AR: variants seen among roughly 807,000 people sequenced by gnomAD.
The protein encoded by AR is dihydrotestosterone receptor.
A neutral mutation model predicts 53.9 loss-of-function variants in AR; 8 were observed. That is an observed-to-expected ratio of 0.15 (90% CI 0.09 to 0.27). The LOEUF (loss-of-function observed/expected upper bound fraction) is 0.27, where lower values mean the gene tolerates loss of function less well. Among genes scored for constraint, AR ranks in the 10% least tolerant of loss-of-function variants. The probability of loss-of-function intolerance (pLI) is 1.00; values close to 1 mark genes in which losing one functional copy is unlikely to be tolerated. For missense variants in AR, 639 were observed against 742.5 expected, an observed-to-expected ratio of 0.86 and a Z score of 1.62; for synonymous variants, 359 against 316.4, an observed-to-expected ratio of 1.13 and a Z score of -1.43.
intron 4 of AR, among the ~76,000 whole-genome samples, chrX:67,715,988 GTGTATTAT>G (rs772432156): frequency 8.9e-6 from 1 of 111,942 alleles, no homozygotes; most frequent in East Asian, 2.8e-4. Context: ...TGTTCTACCT[GTGTATTAT>G]TGTAGACGTA....
In AR at chrX:67,717,511, C is replaced by A. The variant is rs758962274; in HGVS notation, c.2207C>A (p.Ala736Asp). The A allele has an allele frequency of 1.7e-6, 2 of 1,210,531 alleles. No individual in the cohort carries two copies. Among genetic ancestry groups the A allele is most frequent in the East Asian group, 5.9e-5 (2 of 33,757 alleles). The change falls in exon 5 of 8, where the codon GCT becomes GAT. Residue 736 changes from alanine (A) to aspartate (D), a missense_variant. Coordinates refer to ENST00000374690, the MANE Select transcript of AR (RefSeq NM_000044.6). ...AACTTACACGTGGACGACCAGATGGCTGTCATTCAGTACTCCTGGATGGGG... is the reference window on the plus strand; with the variant it reads ...AACTTACACGTGGACGACCAGATGGATGTCATTCAGTACTCCTGGATGGGG... ...FRNLHVDDQM[A>D]VIQYSWMGLM...
intron 1 of AR, among the ~76,000 whole-genome samples, chrX:67,612,350 G>A (rs1240011288): frequency 8.9e-6 from 1 of 111,911 alleles, no homozygotes; most frequent in African/African-American, 3.2e-5. Context: ...CCCATTCTAA[G>A]GCCCTCTCAT....
intron 2 of AR, 55 bp downstream of exon 2, chrX:67,643,462 A>G (rs750533646): frequency 1.1e-5 from 13 of 1,154,429 alleles, no homozygotes; most frequent in Non-Finnish European, 1.5e-5. Context: ...CCTTCCAGAG[A>G]GAGACACTAA....
chrX:67,726,160 G>A lies in AR; in HGVS notation c.*2319G>A, dbSNP rs1391910096. 1 of 174,030 alleles carries A rather than the reference G, an allele frequency of 5.7e-6. No individual in the cohort carries two copies. Among genetic ancestry groups the A allele is most frequent in the African/African-American group, 3.0e-5 (1 of 33,859 alleles). The allele number at this position is 174,030 out of a possible 1,213,427, so 14.3% of individuals were successfully genotyped here. A position where few individuals can be genotyped will look rare whatever the true frequency, so the allele number is the denominator to read the frequency against. On this transcript the variant is annotated 3_prime_UTR_variant, in exon 8 of 8. Transcript: ENST00000374690. ...AACAGCTTTAAATAACAAGGGAGAG[G>A]GGAACCTAAGATGAGTAATATGCCA...
chrX:67,672,378 A>G (rs778725159), intron 2 of AR, among the ~76,000 whole-genome samples: 2 of 110,698 alleles, frequency 1.8e-5, no homozygotes, highest in South Asian at 3.9e-4. Flanking sequence ...TACTCCTGCC[A>G]TTTGGTTGTT....
chrX:67,643,225 T>A, intron 1 of AR, 31 bp from the exon 2 acceptor site: 1 of 1,209,701 alleles, frequency 8.3e-7, no homozygotes, highest in Non-Finnish European at 1.1e-6. Flanking sequence ...TTCAGTGACA[T>A]GTGTTGCATT....
In AR at chrX:67,625,899, A is replaced by T. The variant is rs183330727; in HGVS notation, c.1617-17357A>T. ...AAGCACAAGCAATAAGAGAAAAAAA[A>T]TTTTTTTAAAAAAACCCTTGATTAT... On this transcript the variant is annotated intron_variant, in intron 1 of 7. Coordinates refer to ENST00000374690, the MANE Select transcript of AR (RefSeq NM_000044.6). Among the ~76,000 whole-genome samples the T allele has an allele frequency of 6.1e-3, 678 of 110,761 alleles. 3 individuals are homozygous for T. The highest frequency in any genetic ancestry group is 0.017 in the African/African-American group (526 of 30,542).
chrX:67,600,401 G>A (rs1253919848), intron 1 of AR, among the ~76,000 whole-genome samples: 1 of 110,915 alleles, frequency 9.0e-6, no homozygotes, highest in Non-Finnish European at 1.9e-5. Context: ...AAAATGGATG[G>A]AACTGGAAAT....
intron 1 of AR, among the ~76,000 whole-genome samples, chrX:67,583,705 TA>T (rs772391092): frequency 2.9e-4 from 32 of 109,710 alleles, no homozygotes; most frequent in Non-Finnish European, 5.5e-4. Context: ...TCAACAACCA[TA>T]AAAAAAAACA....
chrX:67,629,767 G>A (rs1263029288), intron 1 of AR, among the ~76,000 whole-genome samples: 20 of 109,654 alleles, frequency 1.8e-4, no homozygotes, highest in Non-Finnish European at 2.9e-4. Flanking sequence ...TTTCTCTTGC[G>A]GGCATTTAGT....
intron 1 of AR, among the ~76,000 whole-genome samples, chrX:67,574,849 G>A (rs1396466281): frequency 2.7e-5 from 3 of 111,397 alleles, no homozygotes; most frequent in Non-Finnish European, 5.7e-5. Context: ...TAAACTCAAA[G>A]CGGCATTTTT....
At chrX:67,617,152 G>C (rs1768865713) in intron 1 of AR, among the ~76,000 whole-genome samples, 1 of 111,476 alleles carries the variant, frequency 9.0e-6, no homozygotes, top group Non-Finnish European at 1.9e-5. Flanking sequence ...CTTTTTGTTT[G>C]CTCTGTCTGG....
chrX:67,631,958 AG>A (rs921236328), intron 1 of AR, among the ~76,000 whole-genome samples: 2 of 113,185 alleles, frequency 1.8e-5, no homozygotes, highest in African/African-American at 6.4e-5. Context: ...CTCAGGGGTC[AG>A]GGGTCAGGGA....
chrX:67,652,484 C>A (rs189253908), intron 2 of AR, among the ~76,000 whole-genome samples: 82 of 112,169 alleles, frequency 7.3e-4, no homozygotes, highest in East Asian at 4.5e-3. Flanking sequence ...ATCAAAAAAT[C>A]TGGTCAAACC....
chrX:67,600,517 A>G (rs1246777225), intron 1 of AR, among the ~76,000 whole-genome samples: 1 of 111,034 alleles, frequency 9.0e-6, no homozygotes, highest in Non-Finnish European at 1.9e-5. Context: ...TGGATATAGA[A>G]AGTAGAAGGA....
intron 6 of AR, 27 bp downstream of exon 6, chrX:67,721,990 C>T (rs375257388): frequency 1.1e-5 from 13 of 1,205,549 alleles, no homozygotes; most frequent in African/African-American, 8.8e-5. Context: ...GCAGGGAATG[C>T]CCCCTGAGGG....
chrX:67,622,116 A>G (rs1924411380), intron 1 of AR, among the ~76,000 whole-genome samples: 1 of 112,288 alleles, frequency 8.9e-6, no homozygotes, highest in Admixed American at 9.5e-5. Context: ...TTCAGATGGA[A>G]GATGTGAGAA....
chrX:67,636,771 T>C (rs1338460000), intron 1 of AR, among the ~76,000 whole-genome samples: 1 of 111,449 alleles, frequency 9.0e-6, no homozygotes, highest in Non-Finnish European at 1.9e-5. Context: ...GTGGGAGTGC[T>C]ACCCAAAATA....
intron 2 of AR, among the ~76,000 whole-genome samples, chrX:67,646,029 CT>C (rs1296635493): frequency 8.9e-6 from 1 of 112,218 alleles, no homozygotes; most frequent in Non-Finnish European, 1.9e-5. Context: ...AAATCTTTCT[CT>C]TCCTTACTTG....
Sources: gnomAD v4.1 joint callset for allele counts (sites outside exome capture counted in the v4.1 genomes callset) on GRCh38, gnomAD v4.1.1 for gene constraint, MANE v1.5 for transcripts, NCBI Gene and HGNC (gene_info 2026-07-23, HGNC 2026-07-21) for gene names.